PLXNA2: variants seen among roughly 807,000 people sequenced by gnomAD.
PLXNA2 encodes the protein plexin-A2.
A neutral mutation model predicts 193.5 loss-of-function variants in PLXNA2; 91 were observed. The ratio of observed to expected loss-of-function variants is 0.47; its 90% CI spans 0.40 to 0.56. PLXNA2 has a LOEUF of 0.56. PLXNA2 is among the 20% of genes least tolerant of loss of function. The probability of loss-of-function intolerance (pLI) is 0.00; values close to 1 mark genes in which losing one functional copy is unlikely to be tolerated. For synonymous variants in PLXNA2, 997 were observed against 1,027.3 expected (o/e 0.97, Z 0.56); for missense variants, 1,995 against 2,503.2 (o/e 0.80, Z 4.33).
At chr1:208,148,135 C>T (rs1668653863) in intron 3 of PLXNA2, among the ~76,000 whole-genome samples, 1 of 152,174 alleles carries the variant, frequency 6.6e-6, no homozygotes, top group African/African-American at 2.4e-5. Context: ...TCAGCATATC[C>T]AATTAACTCG....
At chr1:208,172,037 A>AC (rs1287108082) in intron 3 of PLXNA2, among the ~76,000 whole-genome samples, 3 of 148,474 alleles carry the variant, frequency 2.0e-5, no homozygotes, top group Non-Finnish European at 4.5e-5. Context: ...AAAAAAAAAA[A>AC]AGGCAAAACC....
At chr1:208,226,575 G>C (rs990708560) in intron 1 of PLXNA2, among the ~76,000 whole-genome samples, 1 of 152,162 alleles carries the variant, frequency 6.6e-6, no homozygotes, top group Non-Finnish European at 1.5e-5. Flanking sequence ...GCTTTGCAAA[G>C]TCAAAACAAG....
intron 3 of PLXNA2, among the ~76,000 whole-genome samples, chr1:208,184,039 C>T (rs1377473612): frequency 6.6e-6 from 1 of 152,142 alleles, no homozygotes; most frequent in South Asian, 2.1e-4. Context: ...TATTGAACAG[C>T]ACAGATATAA....
At chr1:208,031,274 T>G in intron 29 of PLXNA2, 1 of 1,192,664 alleles carries the variant, frequency 8.4e-7, no homozygotes, top group Non-Finnish European at 1.0e-6. Flanking sequence ...CCCAGCTCCC[T>G]TCTCCTGAGA....
chr1:208,112,164 A>G (rs1333305576), intron 4 of PLXNA2, among the ~76,000 whole-genome samples: 1 of 152,208 alleles, frequency 6.6e-6, no homozygotes, highest in Non-Finnish European at 1.5e-5. Context: ...CTCCTCATTC[A>G]TAAAAACTCA....
chr1:208,053,332 C>G (rs1006487536), intron 14 of PLXNA2, among the ~76,000 whole-genome samples: 1 of 152,226 alleles, frequency 6.6e-6, no homozygotes, highest in Non-Finnish European at 1.5e-5. Context: ...CCTCTCCGCT[C>G]TGACTTGCTC....
chr1:208,152,683 GCA>G (rs56051287), intron 3 of PLXNA2, among the ~76,000 whole-genome samples: 69,402 of 140,130 alleles, frequency 0.5, 18,449 homozygotes, highest in Non-Finnish European at 0.63. Context: ...ACACACACAC[GCA>G]CACACACACA....
intron 12 of PLXNA2, among the ~76,000 whole-genome samples, chr1:208,070,572 T>G (rs917051192): frequency 2.6e-5 from 4 of 152,198 alleles, no homozygotes; most frequent in Non-Finnish European, 4.4e-5. Context: ...TTTGTCCAAG[T>G]GAGCTCAGGA....
intron 4 of PLXNA2, among the ~76,000 whole-genome samples, chr1:208,114,497 G>A (rs565257442): frequency 6.6e-6 from 1 of 152,240 alleles, no homozygotes; most frequent in African/African-American, 2.4e-5. Context: ...TTATCCATAG[G>A]TGCCGGATCT....
At chr1:208,079,547 C>G in intron 11 of PLXNA2, 97 bp from the exon 12 acceptor site, 1 of 873,434 alleles carries the variant, frequency 1.1e-6, no homozygotes, top group Non-Finnish European at 1.7e-6. Flanking sequence ...GAAACTCTTC[C>G]CCACCATGGA....
intron 1 of PLXNA2, among the ~76,000 whole-genome samples, chr1:208,238,669 A>G (rs1246766412): frequency 3.3e-5 from 5 of 152,254 alleles, no homozygotes; most frequent in African/African-American, 9.6e-5. Flanking sequence ...CACAGAGAAT[A>G]TGAAGAAAAA....
chr1:208,079,020 G>A (rs550427730), intron 12 of PLXNA2, among the ~76,000 whole-genome samples: 2 of 152,200 alleles, frequency 1.3e-5, no homozygotes, highest in Non-Finnish European at 2.9e-5. Context: ...TCGTGTGCAC[G>A]TGCACACCAA....
chr1:208,224,636 A>AT (rs1671457167), intron 1 of PLXNA2, among the ~76,000 whole-genome samples: 2 of 151,946 alleles, frequency 1.3e-5, no homozygotes, highest in Admixed American at 6.6e-5. Flanking sequence ...ATCGAATGTC[A>AT]TTTTTTCCCT....
intron 29 of PLXNA2, chr1:208,031,298 G>A (rs1285522938): frequency 1.6e-6 from 2 of 1,240,992 alleles, no homozygotes; most frequent in Non-Finnish European, 2.0e-6. Flanking sequence ...AGAGATCTCA[G>A]AGCCAGGGGA....
At chr1:208,238,633 G>A (rs985880549) in intron 1 of PLXNA2, among the ~76,000 whole-genome samples, 1 of 151,946 alleles carries the variant, frequency 6.6e-6, no homozygotes. Flanking sequence ...AATGAAAGGG[G>A]GAATTATAAT....
At chr1:208,168,720 C>CG (rs1192821528) in intron 3 of PLXNA2, among the ~76,000 whole-genome samples, 10 of 27,338 alleles carry the variant, frequency 3.7e-4, no homozygotes, top group African/African-American at 6.2e-4. Flanking sequence ...AAAGAGTATG[C>CG]GGGGTTTTTT....
At chr1:208,168,903 A>G (rs1669402515) in intron 3 of PLXNA2, among the ~76,000 whole-genome samples, 1 of 151,666 alleles carries the variant, frequency 6.6e-6, no homozygotes. Context: ...AAGAAGCAGG[A>G]CCTCTGGGAG....
At chr1:208,138,924 G>A (rs1668383703) in intron 4 of PLXNA2, among the ~76,000 whole-genome samples, 1 of 152,226 alleles carries the variant, frequency 6.6e-6, no homozygotes, top group Admixed American at 6.5e-5. Context: ...CAACTCAGGA[G>A]GCTGAGGCAG....
At chr1:208,178,309 G>A (rs1426000044) in intron 3 of PLXNA2, among the ~76,000 whole-genome samples, 1 of 152,188 alleles carries the variant, frequency 6.6e-6, no homozygotes. Flanking sequence ...CAGGGCATGG[G>A]GACAGTGTGC....
Sources: gnomAD v4.1 joint callset for allele counts (sites outside exome capture counted in the v4.1 genomes callset) on GRCh38, gnomAD v4.1.1 for gene constraint, MANE v1.5 for transcripts, NCBI Gene and HGNC (gene_info 2026-07-23, HGNC 2026-07-21) for gene names.